Variants in ROBO1 observed in about 807,000 individuals in gnomAD.
ROBO1 encodes roundabout homolog 1.
ROBO1 carries 149 observed loss-of-function variants against 195.9 expected under a neutral mutation model. The observed-to-expected ratio is 0.76, with a 90% CI of 0.67 to 0.87. The LOEUF (loss-of-function observed/expected upper bound fraction) is 0.87. Ranked by LOEUF, ROBO1 falls within the 40% of genes least tolerant of loss-of-function variation. ROBO1 has a pLI of 0.00. For synonymous variants in ROBO1, 816 were observed against 733.2 expected, an observed-to-expected ratio of 1.11 and a Z score of -1.82; for missense variants, 1,933 against 2,068.3, an observed-to-expected ratio of 0.93 and a Z score of 1.27.
At chr3:78,916,749 A>C (rs2038622783) in intron 4 of ROBO1, among the ~76,000 whole-genome samples, 1 of 152,142 alleles carries the variant, frequency 6.6e-6, no homozygotes, top group South Asian at 2.1e-4. Context: ...TGGTTAAATA[A>C]TGTAGTTTCT....
rs1456614580 is a variant in ROBO1, at chr3:78,598,850, T to A, written c.*63A>T. 4 of 1,145,674 alleles carry A rather than the reference T, an allele frequency of 3.5e-6. No homozygotes were observed. In the African/African-American group the frequency reaches 4.7e-5, roughly 13 times the overall value. 71.0% of individuals were successfully genotyped at this position (1,145,674 alleles called of 1,614,324 possible). On this transcript the variant is annotated 3_prime_UTR_variant, in exon 31 of 31. Transcript: ENST00000464233. ...ACATTTTATCTGGCGTCATGTGTCA[T>A]CTGACAGGAGGCATCTTGAGTGATG...
chr3:78,731,503 T>C (rs573397639), intron 5 of ROBO1, among the ~76,000 whole-genome samples: 2 of 152,096 alleles, frequency 1.3e-5, no homozygotes, highest in African/African-American at 2.4e-5. Flanking sequence ...TGTTCTGTGA[T>C]GGCAAAAACT....
intron 4 of ROBO1, among the ~76,000 whole-genome samples, chr3:78,916,898 C>T (rs1034799168): frequency 3.3e-4 from 50 of 152,030 alleles, no homozygotes; most frequent in Non-Finnish European, 4.1e-4. Flanking sequence ...CTTCTTTGAA[C>T]GAGTGAGACC....
At chr3:79,094,794 AT>A (rs1210029759) in intron 3 of ROBO1, among the ~76,000 whole-genome samples, 1 of 151,936 alleles carries the variant, frequency 6.6e-6, no homozygotes, top group Non-Finnish European at 1.5e-5. Flanking sequence ...TGACATGAGC[AT>A]TGCTGAGGGA....
chr3:79,283,737 G>T (rs549074193), intron 2 of ROBO1, among the ~76,000 whole-genome samples: 1 of 146,302 alleles, frequency 6.8e-6, no homozygotes, highest in Admixed American at 6.8e-5. Context: ...TCGCTCTGTC[G>T]CCCAGGCTGG....
intron 18 of ROBO1, among the ~76,000 whole-genome samples, chr3:78,652,616 G>A (rs1159095419): frequency 6.6e-6 from 1 of 152,040 alleles, no homozygotes; most frequent in Non-Finnish European, 1.5e-5. Flanking sequence ...CATTGAAAGA[G>A]CCATGAATAA....
At chr3:79,453,189 C>T (rs1302905127) in intron 2 of ROBO1, among the ~76,000 whole-genome samples, 1 of 151,972 alleles carries the variant, frequency 6.6e-6, no homozygotes, top group Non-Finnish European at 1.5e-5. Flanking sequence ...ATAGAGGCTG[C>T]ATGGTGCTCT....
chr3:79,143,596 T>A (rs899741309), intron 2 of ROBO1, among the ~76,000 whole-genome samples: 4 of 152,124 alleles, frequency 2.6e-5, no homozygotes, highest in African/African-American at 9.7e-5. Flanking sequence ...TACTTGCAAA[T>A]ATACTATATG....
chr3:79,333,112 C>T lies in ROBO1; in HGVS notation c.89-207573G>A, dbSNP rs570522987. Among the ~76,000 whole-genome samples the T allele has an allele frequency of 4.6e-5, 7 of 150,688 alleles. No homozygotes were observed. The East Asian group carries it at 9.9e-4, about 21-fold the overall frequency. The stretch of plus-strand genomic sequence containing the variant: ...CAGCTGCTTGGGAGGCTTAGACAGG[C>T]GAATTGCTTGAACCTGAGAGGCGGA... On this transcript the variant is annotated intron_variant, in intron 2 of 30. Coordinates refer to ENST00000464233, the MANE Select transcript of ROBO1 (RefSeq NM_002941.4).
At chr3:79,287,444 C>G (rs2031955293) in intron 2 of ROBO1, among the ~76,000 whole-genome samples, 1 of 152,120 alleles carries the variant, frequency 6.6e-6, no homozygotes, top group Admixed American at 6.5e-5. Flanking sequence ...TGTATATTCT[C>G]ATGTTGATGG....
chr3:79,276,765 CAG>C (rs1242214625), intron 2 of ROBO1, among the ~76,000 whole-genome samples: 8 of 151,680 alleles, frequency 5.3e-5, no homozygotes, highest in African/African-American at 1.9e-4. Flanking sequence ...GAACTCAACT[CAG>C]GGAAAAAATC....
At chr3:79,056,125 A>T (rs140495397) in intron 3 of ROBO1, among the ~76,000 whole-genome samples, 1 of 152,108 alleles carries the variant, frequency 6.6e-6, no homozygotes, top group East Asian at 1.9e-4. Context: ...GATCTTAAAG[A>T]TTGTTTTTTT....
intron 1 of ROBO1, among the ~76,000 whole-genome samples, chr3:79,746,106 G>T (rs1703864780): frequency 6.6e-6 from 1 of 151,998 alleles, no homozygotes; most frequent in Non-Finnish European, 1.5e-5. Flanking sequence ...TCATAAGTGG[G>T]ATATTCACTT....
At chr3:79,670,578 C>A (rs530278400) in intron 1 of ROBO1, among the ~76,000 whole-genome samples, 1 of 151,804 alleles carries the variant, frequency 6.6e-6, no homozygotes, top group Admixed American at 6.6e-5. Context: ...CCTAGCTAAA[C>A]CATCAAAGTG....
intron 3 of ROBO1, among the ~76,000 whole-genome samples, chr3:78,987,627 G>A (rs1366747786): frequency 6.7e-6 from 1 of 150,200 alleles, no homozygotes; most frequent in Non-Finnish European, 1.5e-5. Context: ...GAGGTGTAGG[G>A]GAGGTGGAGA....
At chr3:78,764,997 G>A (rs1355327011) in intron 4 of ROBO1, among the ~76,000 whole-genome samples, 2 of 152,024 alleles carry the variant, frequency 1.3e-5, no homozygotes, top group African/African-American at 4.8e-5. Context: ...GATTCAAATC[G>A]TAGCAACTCA....
At chr3:79,332,834 TAAATC>T (rs932114699) in intron 2 of ROBO1, among the ~76,000 whole-genome samples, 3 of 152,192 alleles carry the variant, frequency 2.0e-5, no homozygotes, top group Non-Finnish European at 2.9e-5. Context: ...GATAAAGTAA[TAAATC>T]AAACACAGTC....
intron 3 of ROBO1, among the ~76,000 whole-genome samples, chr3:79,005,390 C>T (rs999736699): frequency 9.2e-5 from 14 of 152,254 alleles, no homozygotes; most frequent in Middle Eastern, 3.4e-3. Context: ...ATGGGACTAC[C>T]ATATTATTCC....
At chr3:79,583,238 T>C (rs1943715613) in intron 2 of ROBO1, among the ~76,000 whole-genome samples, 1 of 152,004 alleles carries the variant, frequency 6.6e-6, no homozygotes, top group South Asian at 2.1e-4. Flanking sequence ...TATGTAGTTA[T>C]TAAGTTTGAA....
Sources: allele counts gnomAD v4.1 joint callset (sites outside exome capture counted in the v4.1 genomes callset), GRCh38; gene constraint gnomAD v4.1.1; transcripts MANE v1.5; gene names NCBI Gene and HGNC (gene_info 2026-07-23, HGNC 2026-07-21).